SHLD2: variants seen among roughly 807,000 people sequenced by gnomAD.
The protein encoded by SHLD2 is shieldin complex subunit 2, also known as RINN1-REV7-interacting novel NHEJ regulator 2.
SHLD2 carries 30 observed loss-of-function variants against 73.2 expected under a neutral mutation model. The ratio of observed to expected loss-of-function variants is 0.41; its 90% CI spans 0.31 to 0.56. The LOEUF (loss-of-function observed/expected upper bound fraction) is 0.56, where lower values mean the gene tolerates loss of function less well. Ranked by LOEUF, SHLD2 falls within the 20% of genes least tolerant of loss-of-function variation. The pLI, the probability that SHLD2 is intolerant of heterozygous loss-of-function variation, is 0.28. For missense variants in SHLD2, 745 were observed against 1,055.9 expected, an observed-to-expected ratio of 0.71 and a Z score of 4.08; for synonymous variants, 285 against 370.1, an observed-to-expected ratio of 0.77 and a Z score of 2.64.
chr10:87,152,607 G>T lies in SHLD2; in HGVS notation c.1253G>T (p.Arg418Ile), dbSNP rs1439537524. The part of the protein sequence containing the change: ...GGDSAVEMDR[R>I]NVSEFKSIKK... ...GATTCTGCTGTAGAAATGGATCGGA[G>T]AAATGTGTCTGAATTTAAGAGTATT... The change falls in exon 3 of 10, where the codon AGA (arginine) becomes ATA (isoleucine). Residue 418 changes from arginine (R) to isoleucine (I), a missense_variant. Physicochemically the swap from Arg to Ile is moderately conservative, Grantham distance 97. Transcript: ENST00000298786. The T allele has an allele frequency of 1.4e-5, 23 of 1,607,200 alleles. No homozygotes were observed. The Middle Eastern group carries it at 6.8e-4, about 48-fold the overall frequency.
chr10:87,170,710 A>G (rs753463290), intron 5 of SHLD2, 38 bp downstream of exon 5: 9 of 1,578,406 alleles, frequency 5.7e-6, no homozygotes, highest in Non-Finnish European at 7.7e-6. Flanking sequence ...TTAGATTATG[A>G]AAAAATTAAG....
At chr10:87,149,737 T>C (rs1287396039) in intron 2 of SHLD2, among the ~76,000 whole-genome samples, 2 of 151,670 alleles carry the variant, frequency 1.3e-5, no homozygotes, top group Non-Finnish European at 2.9e-5. Flanking sequence ...AATAAATAAA[T>C]AAATAAATAA....
chr10:87,144,018 A>G (rs1207710954), intron 2 of SHLD2, among the ~76,000 whole-genome samples: 1 of 151,792 alleles, frequency 6.6e-6, no homozygotes, highest in African/African-American at 2.4e-5. Flanking sequence ...ACATGCCACC[A>G]TGCCTGGCTA....
chr10:87,180,250 C>G lies in SHLD2; in HGVS notation c.2346C>G (p.Ile782Met). 6.2e-7 allele frequency: 1 copy of G among 1,612,660 alleles called. No homozygotes were observed. The highest frequency in any genetic ancestry group is 1.1e-5 in the South Asian group (1 of 90,984). The change falls in exon 8 of 10, where the codon ATC becomes ATG. Residue 782 changes from isoleucine to methionine, a missense_variant. Physicochemically the swap from Ile to Met is conservative, Grantham distance 10 (BLOSUM62 1). Transcript: ENST00000298786. Reference sequence around the variant, plus strand: ...AACTAGAAACAGATGAGAACAGGATCTACAAACAATGTTTTAGCTGCTTGC... The same window carrying G: ...AACTAGAAACAGATGAGAACAGGATGTACAAACAATGTTTTAGCTGCTTGC... ...GLELETDENR[I>M]YKQCFSCLPF...
intron 2 of SHLD2, among the ~76,000 whole-genome samples, chr10:87,127,123 T>A (rs1385297289): frequency 3.3e-5 from 5 of 152,090 alleles, no homozygotes; most frequent in Admixed American, 3.3e-4. Flanking sequence ...TGGATTAAAT[T>A]GCCCTTTGTT....
At chr10:87,101,651 G>A (rs1842274648) in intron 2 of SHLD2, among the ~76,000 whole-genome samples, 1 of 152,230 alleles carries the variant, frequency 6.6e-6, no homozygotes, top group African/African-American at 2.4e-5. Context: ...GCTCACGCCT[G>A]TAATCCTAGC....
chr10:87,157,930 A>G lies in SHLD2; in HGVS notation c.1526-118A>G, dbSNP rs115032955. On this transcript the variant is annotated intron_variant, in intron 3 of 9. Coordinates refer to ENST00000298786, the MANE Select transcript of SHLD2 (RefSeq NM_001330112.2). The stretch of plus-strand genomic sequence containing the variant: ...TGCCTTTAGGCAGGTTATTTAACCT[A>G]TTTGATCTCTACTTGCTTGGTATAT... The G allele has an allele frequency of 1.8e-3, 1,278 of 727,868 alleles. 11 individuals carry two copies. The African/African-American group carries it at 0.019, about 11-fold the overall frequency. The allele number at this position is 727,868 out of a possible 1,614,324, so 45.1% of individuals were successfully genotyped here. A position where few individuals can be genotyped will look rare whatever the true frequency, so the allele number is the denominator to read the frequency against.
intron 2 of SHLD2, among the ~76,000 whole-genome samples, chr10:87,106,931 T>G (rs1842631992): frequency 6.6e-6 from 1 of 152,054 alleles, no homozygotes; most frequent in African/African-American, 2.4e-5. Context: ...TGAAGATACA[T>G]GGGGTGGATA....
At chr10:87,134,851 A>G (rs1351811112) in intron 2 of SHLD2, among the ~76,000 whole-genome samples, 1 of 152,136 alleles carries the variant, frequency 6.6e-6, no homozygotes, top group African/African-American at 2.4e-5. Context: ...CCTTCACAGA[A>G]TGTAAGGAAG....
intron 2 of SHLD2, among the ~76,000 whole-genome samples, chr10:87,128,277 A>G (rs1452601049): frequency 6.6e-6 from 1 of 152,218 alleles, no homozygotes; most frequent in Non-Finnish European, 1.5e-5. Context: ...AACATAAATT[A>G]TTTGCATGAT....
At chr10:87,128,903 ATTGTTTTTGT>A (rs1564587868) in intron 2 of SHLD2, among the ~76,000 whole-genome samples, 1 of 151,736 alleles carries the variant, frequency 6.6e-6, no homozygotes, top group African/African-American at 2.4e-5. Flanking sequence ...TTTTAAATTT[ATTGTTTTTGT>A]TTGTTTTTTG....
intron 7 of SHLD2, among the ~76,000 whole-genome samples, chr10:87,179,859 G>A (rs936936926): frequency 5.9e-5 from 9 of 152,162 alleles, no homozygotes; most frequent in Non-Finnish European, 1.2e-4. Flanking sequence ...AACATCACAT[G>A]TTCAGCCAAA....
chr10:87,141,127 T>A (rs1461596286), intron 2 of SHLD2, among the ~76,000 whole-genome samples: 1 of 150,512 alleles, frequency 6.6e-6, no homozygotes, highest in Admixed American at 6.6e-5. Context: ...AAAAAAAAAA[T>A]TTAAAAAGGG....
chr10:87,131,669 G>A (rs1260465572), intron 2 of SHLD2, among the ~76,000 whole-genome samples: 1 of 152,056 alleles, frequency 6.6e-6, no homozygotes, highest in East Asian at 1.9e-4. Flanking sequence ...GTGCTGTTAT[G>A]AACACTGATG....
At chr10:87,163,536 A>G (rs1846972793) in intron 4 of SHLD2, among the ~76,000 whole-genome samples, 1 of 151,988 alleles carries the variant, frequency 6.6e-6, no homozygotes, top group South Asian at 2.1e-4. Context: ...GAGTATATTG[A>G]CTGGATTCTA....
At chr10:87,183,421 C>T (rs1848429575) in intron 8 of SHLD2, among the ~76,000 whole-genome samples, 2 of 152,132 alleles carry the variant, frequency 1.3e-5, no homozygotes, top group African/African-American at 4.8e-5. Flanking sequence ...GGTTTCTGCA[C>T]CCTGTTTTGT....
At position 87,112,106 on chromosome 10, in the gene SHLD2, C is replaced by T. The variant is rs553174043; in HGVS notation, c.-6+15117C>T. Among the ~76,000 whole-genome samples, 9 of 151,348 alleles carry T rather than the reference C, an allele frequency of 5.9e-5. No individual in the cohort carries two copies. In the South Asian group the frequency reaches 6.3e-4, roughly 11 times the overall value. On this transcript the variant is annotated intron_variant, in intron 2 of 9. Coordinates refer to ENST00000298786, the MANE Select transcript of SHLD2 (RefSeq NM_001330112.2). ...GAAAAAAATTAGCTGGGTGTAGTGG[C>T]GGGTGCCTGTAGTCCCAGCTACTCG...
At chr10:87,119,702 C>T (rs963342149) in intron 2 of SHLD2, among the ~76,000 whole-genome samples, 30 of 151,448 alleles carry the variant, frequency 2.0e-4, no homozygotes, top group African/African-American at 7.0e-4. Flanking sequence ...CACTTGAACC[C>T]GGGAGGCGGA....
intron 2 of SHLD2, among the ~76,000 whole-genome samples, chr10:87,131,713 C>A (rs1301741074): frequency 6.6e-6 from 1 of 151,996 alleles, no homozygotes; most frequent in Non-Finnish European, 1.5e-5. Flanking sequence ...TGTTTTTATT[C>A]TTTTGGGTAT....
Sources: gnomAD v4.1 joint callset for allele counts (sites outside exome capture counted in the v4.1 genomes callset) on GRCh38, gnomAD v4.1.1 for gene constraint, MANE v1.5 for transcripts, NCBI Gene and HGNC (gene_info 2026-07-23, HGNC 2026-07-21) for gene names.